Variants in ING5 observed in about 807,000 individuals in gnomAD.
ING5 encodes the protein inhibitor of growth family member 5.
Under a neutral mutation model 37.4 loss-of-function variants are expected in ING5, and 17 were observed. That is an observed-to-expected ratio of 0.45 (90% CI 0.31 to 0.68). The LOEUF is 0.68. Among genes scored for constraint, ING5 ranks in the 30% least tolerant of loss-of-function variants. ING5 has a pLI of 0.05. For synonymous variants in ING5, 123 were observed against 116.6 expected (o/e 1.06, Z -0.36); for missense variants, 233 against 311.9 (o/e 0.75, Z 1.91).
At chr2:241,723,154 G>C in intron 6 of ING5, 56 bp from the exon 7 acceptor site, 1 of 1,613,728 alleles carries the variant, frequency 6.2e-7, no homozygotes. Flanking sequence ...CATTTCTTGT[G>C]TTTTGCATAC....
intron 2 of ING5, among the ~76,000 whole-genome samples, chr2:241,693,950 C>T (rs148799608): frequency 6.6e-5 from 10 of 151,552 alleles, no homozygotes; most frequent in African/African-American, 2.4e-4. Context: ...TGAGCCACCG[C>T]GCCTGGCCCT....
At chr2:241,717,035 A>C (rs2070292865) in intron 5 of ING5, among the ~76,000 whole-genome samples, 1 of 152,124 alleles carries the variant, frequency 6.6e-6, no homozygotes, top group African/African-American at 2.4e-5. Context: ...AAGTCACCCC[A>C]TATATAGTTA....
At chr2:241,689,614 A>G (rs2069516844) in intron 1 of ING5, among the ~76,000 whole-genome samples, 1 of 152,194 alleles carries the variant, frequency 6.6e-6, no homozygotes. Flanking sequence ...AAGGCCCATG[A>G]AGTACAGCCG....
intron 2 of ING5, among the ~76,000 whole-genome samples, chr2:241,692,488 G>T (rs1455938056): frequency 1.3e-5 from 2 of 148,550 alleles, no homozygotes; most frequent in Non-Finnish European, 1.5e-5. Flanking sequence ...TTTAAATACT[G>T]ACGGGGTCTT....
At chr2:241,687,345 C>G (rs2069454961) in exon 1 of ING5, 1 of 398,738 alleles carries the variant, frequency 2.5e-6, no homozygotes, top group Non-Finnish European at 4.4e-6. Flanking sequence ...CCTCCCAAAG[C>G]TCACCTGGAG....
chr2:241,697,783 C>T (rs1428021496), upstream of ING5, among the ~76,000 whole-genome samples: 3 of 152,044 alleles, frequency 2.0e-5, no homozygotes, highest in Admixed American at 2.0e-4. Context: ...TTGTCAAAAC[C>T]TATAAGAATG....
chr2:241,697,295 C>T (rs1423611667), upstream of ING5, among the ~76,000 whole-genome samples: 2 of 151,118 alleles, frequency 1.3e-5, no homozygotes, highest in African/African-American at 2.4e-5. Flanking sequence ...ATTAGACAGG[C>T]GTGGTGTCGG....
intron 5 of ING5, chr2:241,712,314 G>C (rs556651827): frequency 1.4e-5 from 6 of 423,810 alleles, no homozygotes; most frequent in African/African-American, 1.0e-4. Context: ...GCTGTGGTGC[G>C]GCTGGGCTGC....
chr2:241,715,472 ATTT>A (rs34545938), intron 5 of ING5, among the ~76,000 whole-genome samples: 1 of 70,952 alleles, frequency 1.4e-5, no homozygotes. Flanking sequence ...CTGGAATAGA[ATTT>A]TTTTTTTTTT....
intron 7 of ING5, chr2:241,723,980 A>T (rs1373811896): frequency 2.3e-6 from 3 of 1,302,998 alleles, no homozygotes; most frequent in African/African-American, 1.5e-5. Context: ...ACTGCACTCC[A>T]GCCTGGGCGA....
At chr2:241,706,984 A>AG (rs2069936504) in intron 2 of ING5, among the ~76,000 whole-genome samples, 2 of 98,394 alleles carry the variant, frequency 2.0e-5, no homozygotes, top group Non-Finnish European at 3.9e-5. Flanking sequence ...TTTGAGATGG[A>AG]GTTTCACTCT....
intron 2 of ING5, among the ~76,000 whole-genome samples, chr2:241,706,679 ATGT>A (rs2069924253): frequency 6.6e-6 from 1 of 151,512 alleles, no homozygotes; most frequent in Non-Finnish European, 1.5e-5. Flanking sequence ...GTAACATTGC[ATGT>A]CTGAAAATGT....
At chr2:241,705,384 C>CT (rs1553582476) in intron 2 of ING5, among the ~76,000 whole-genome samples, 3 of 132,670 alleles carry the variant, frequency 2.3e-5, no homozygotes, top group East Asian at 3.2e-4. Flanking sequence ...GGCCCTAACT[C>CT]TGTTTTTTTC....
upstream of ING5, chr2:241,701,892 C>T (rs960857741): frequency 2.9e-5 from 10 of 348,878 alleles, no homozygotes; most frequent in Non-Finnish European, 4.6e-5. Context: ...AACCTCCGCC[C>T]GGGCCCCGCA....
At chr2:241,706,367 T>C (rs1320211927) in intron 2 of ING5, among the ~76,000 whole-genome samples, 6 of 151,998 alleles carry the variant, frequency 3.9e-5, no homozygotes, top group African/African-American at 1.4e-4. Context: ...CGGTGGCTCA[T>C]GCCTGTAATC....
chr2:241,698,496 AGTGTGTGT>A (rs199798593), upstream of ING5, among the ~76,000 whole-genome samples: 18,393 of 147,426 alleles, frequency 0.12, 1,253 homozygotes, highest in Non-Finnish European at 0.16. Context: ...ATAATAGAGG[AGTGTGTGT>A]GTGTGTGTGT....
At chr2:241,713,368 T>G (rs1220072656) in intron 5 of ING5, among the ~76,000 whole-genome samples, 2 of 94,354 alleles carry the variant, frequency 2.1e-5, no homozygotes, top group African/African-American at 4.8e-5. Context: ...CAATTTTCAG[T>G]TTTTTTTTTT....
intron 7 of ING5, among the ~76,000 whole-genome samples, chr2:241,723,534 G>A (rs571602154): frequency 4.4e-4 from 67 of 152,372 alleles, no homozygotes; most frequent in African/African-American, 1.3e-3. Context: ...ACCAGGTTAC[G>A]TGATATTCAC....
At chr2:241,719,916 G>C in intron 5 of ING5, 1 of 1,315,054 alleles carries the variant, frequency 7.6e-7, no homozygotes. Flanking sequence ...GACAGTTGCG[G>C]GGCCCTGCGG....
Sources: gnomAD v4.1 joint callset for allele counts (sites outside exome capture counted in the v4.1 genomes callset) on GRCh38, gnomAD v4.1.1 for gene constraint, MANE v1.5 for transcripts, NCBI Gene and HGNC (gene_info 2026-07-23, HGNC 2026-07-21) for gene names.